Variants in PAQR8 observed in about 807,000 individuals in gnomAD.
The protein encoded by PAQR8 is progestin and adipoQ receptor family member 8.
A neutral mutation model predicts 25.2 loss-of-function variants in PAQR8; 17 were observed. The ratio of observed to expected loss-of-function variants is 0.67; its 90% CI spans 0.46 to 1.01. PAQR8 has a LOEUF of 1.01. PAQR8 is among the 50% of genes least tolerant of loss of function. The pLI is 0.00. For missense variants in PAQR8, 392 were observed against 448.4 expected (o/e 0.87, Z 1.14); for synonymous variants, 204 against 190.6 (o/e 1.07, Z -0.58).
At chr6:52,385,416 C>CT (rs1763620204) in intron 1 of PAQR8, among the ~76,000 whole-genome samples, 1 of 152,176 alleles carries the variant, frequency 6.6e-6, no homozygotes, top group African/African-American at 2.4e-5. Flanking sequence ...TGAAAATAGA[C>CT]TAATACAATG....
chr6:52,367,468 C>G (rs1763367074), intron 1 of PAQR8, among the ~76,000 whole-genome samples: 1 of 152,332 alleles, frequency 6.6e-6, no homozygotes, highest in Middle Eastern at 3.4e-3. Context: ...AGTGTCAACT[C>G]TTAGTATCAT....
chr6:52,378,551 G>C (rs1332975363), intron 1 of PAQR8, among the ~76,000 whole-genome samples: 2 of 152,216 alleles, frequency 1.3e-5, no homozygotes, highest in African/African-American at 4.8e-5. Flanking sequence ...CCAGCACTTT[G>C]GGAGGCCGAG....
chr6:52,377,839 A>G (rs554069944), intron 1 of PAQR8, among the ~76,000 whole-genome samples: 2 of 151,674 alleles, frequency 1.3e-5, no homozygotes, highest in South Asian at 2.1e-4. Flanking sequence ...TGGTATCTCT[A>G]TTAGCCAAAC....
chr6:52,397,420 AGGATACT>A (rs1247206660), intron 1 of PAQR8, among the ~76,000 whole-genome samples: 3 of 152,144 alleles, frequency 2.0e-5, no homozygotes, highest in Admixed American at 6.5e-5. Flanking sequence ...ACGCTGCCCC[AGGATACT>A]CCGAGTTTGT....
At chr6:52,399,403 C>G (rs963592589) in intron 1 of PAQR8, among the ~76,000 whole-genome samples, 1 of 152,168 alleles carries the variant, frequency 6.6e-6, no homozygotes, top group Non-Finnish European at 1.5e-5. Context: ...GAATTGTGCT[C>G]TCTTCCAATC....
At chr6:52,368,643 A>G (rs1241546303) in intron 1 of PAQR8, among the ~76,000 whole-genome samples, 1 of 152,196 alleles carries the variant, frequency 6.6e-6, no homozygotes. Context: ...AATACTGATA[A>G]ATTTACCTCA....
At chr6:52,373,436 G>A (rs1431375037) in intron 1 of PAQR8, 1 of 152,356 alleles carries the variant, frequency 6.6e-6, no homozygotes, top group East Asian at 1.9e-4. Context: ...TTCTCTTGGC[G>A]GAAGGAATCA....
In PAQR8 at chr6:52,404,169, C is replaced by A; in HGVS notation, c.956C>A (p.Ser319Tyr). The change falls in exon 2 of 2, where the codon TCT becomes TAT. Residue 319 changes from serine to tyrosine, a missense_variant. Transcript: ENST00000442253. ...EIFLQRHGPL[S>Y]VHMACLSFFF... ...TTCCTGCAGCGCCATGGACCCCTATCTGTCCACATGGCCTGCCTCTCCTTC... is the reference window on the plus strand; with the variant it reads ...TTCCTGCAGCGCCATGGACCCCTATATGTCCACATGGCCTGCCTCTCCTTC... The A allele has an allele frequency of 6.2e-7, 1 of 1,614,162 alleles. No homozygotes were observed. The highest frequency in any genetic ancestry group is 1.1e-5 in the South Asian group (1 of 91,064).
intron 1 of PAQR8, among the ~76,000 whole-genome samples, chr6:52,378,800 G>A (rs556393158): frequency 6.9e-6 from 1 of 145,934 alleles, no homozygotes; most frequent in Non-Finnish European, 1.5e-5. Flanking sequence ...AAAAAAAAAG[G>A]GGGGGAAGAA....
intron 1 of PAQR8, among the ~76,000 whole-genome samples, chr6:52,369,609 T>C (rs950897504): frequency 6.6e-6 from 1 of 152,192 alleles, no homozygotes; most frequent in Non-Finnish European, 1.5e-5. Flanking sequence ...AAAATATACA[T>C]ACTCTGCTGA....
chr6:52,384,002 G>A (rs367830486), intron 1 of PAQR8, among the ~76,000 whole-genome samples: 1 of 152,166 alleles, frequency 6.6e-6, no homozygotes, highest in African/African-American at 2.4e-5. Context: ...CAGGGTATGG[G>A]TCTGCAGGGG....
chr6:52,401,437 C>T (rs1025899229), intron 1 of PAQR8, among the ~76,000 whole-genome samples: 2 of 152,144 alleles, frequency 1.3e-5, no homozygotes, highest in African/African-American at 4.8e-5. Flanking sequence ...TGAAATTTTG[C>T]AGCAGTTTCA....
chr6:52,395,887 G>T (rs998691232), intron 1 of PAQR8, among the ~76,000 whole-genome samples: 3 of 152,134 alleles, frequency 2.0e-5, no homozygotes, highest in African/African-American at 7.2e-5. Flanking sequence ...GTAATTGATT[G>T]TCTTAGGCAT....
chr6:52,380,898 C>T (rs1000843436), intron 1 of PAQR8, among the ~76,000 whole-genome samples: 5 of 152,194 alleles, frequency 3.3e-5, no homozygotes, highest in South Asian at 2.1e-4. Context: ...TTTGTACTCA[C>T]GAACAAACTG....
intron 1 of PAQR8, among the ~76,000 whole-genome samples, chr6:52,397,127 T>G (rs1276160062): frequency 6.6e-6 from 1 of 152,124 alleles, no homozygotes; most frequent in Non-Finnish European, 1.5e-5. Flanking sequence ...TGGGAATCCT[T>G]GCAGAGCTCA....
rs1307500824 is a variant in PAQR8 at position 52,403,564 on chromosome 6, G to T, written c.351G>T (p.Leu117=). 1 of 1,613,958 alleles carries T rather than the reference G, an allele frequency of 6.2e-7. No individual in the cohort carries two copies. The highest frequency in any genetic ancestry group is 1.3e-5 in the African/African-American group (1 of 74,942). ...THSLPLLLFI[L]SSITYLTCSL... ...CCCTGCCTCTGCTCCTCTTCATCCT[G>T]TCGTCAATCACTTACCTCACCTGCA... The change falls in exon 2 of 2, where the codon CTG becomes CTT. Residue 117 remains leucine, a synonymous_variant. Transcript: ENST00000442253.
intron 1 of PAQR8, among the ~76,000 whole-genome samples, chr6:52,373,053 C>A (rs777637364): frequency 6.6e-6 from 1 of 152,186 alleles, no homozygotes; most frequent in Non-Finnish European, 1.5e-5. Context: ...ATGGTTGCTA[C>A]CAGACCCCAC....
At chr6:52,370,441 C>G (rs535449028) in intron 1 of PAQR8, among the ~76,000 whole-genome samples, 2 of 152,156 alleles carry the variant, frequency 1.3e-5, no homozygotes, top group Non-Finnish European at 2.9e-5. Context: ...GCGTAAAGCA[C>G]GTCTTTTTGT....
chr6:52,397,134 C>T (rs575121946), intron 1 of PAQR8, among the ~76,000 whole-genome samples: 1 of 152,196 alleles, frequency 6.6e-6, no homozygotes, highest in East Asian at 1.9e-4. Flanking sequence ...CCTTGCAGAG[C>T]TCAGGAGAGA....
Sources: gnomAD v4.1 joint callset for allele counts (sites outside exome capture counted in the v4.1 genomes callset) on GRCh38, gnomAD v4.1.1 for gene constraint, MANE v1.5 for transcripts, NCBI Gene and HGNC (gene_info 2026-07-23, HGNC 2026-07-21) for gene names.